IQGAP3: variants seen among roughly 807,000 people sequenced by gnomAD.
IQGAP3 encodes the protein ras GTPase-activating-like protein IQGAP3.
A neutral mutation model predicts 208.2 loss-of-function variants in IQGAP3; 165 were observed. That is an observed-to-expected ratio of 0.79 (90% CI 0.70 to 0.90). IQGAP3 has a LOEUF of 0.90. IQGAP3 is among the 40% of genes least tolerant of loss of function. The probability of loss-of-function intolerance (pLI) is 0.00; values close to 1 mark genes in which losing one functional copy is unlikely to be tolerated. For missense variants in IQGAP3, 1,811 were observed against 2,043.1 expected, an observed-to-expected ratio of 0.89 and a Z score of 2.19; for synonymous variants, 703 against 803.6, an observed-to-expected ratio of 0.87 and a Z score of 2.12.
chr1:156,534,205 C>A, intron 29 of IQGAP3, 64 bp from the exon 30 acceptor site: 1 of 1,602,576 alleles, frequency 6.2e-7, no homozygotes. Context: ...CTTCTGTCCC[C>A]ATCATTTCCC....
chr1:156,538,750 C>A, intron 26 of IQGAP3, 59 bp downstream of exon 26: 1 of 1,459,188 alleles, frequency 6.9e-7, no homozygotes, highest in Non-Finnish European at 9.6e-7. Context: ...GGGTCCAAGA[C>A]ACAGCTGATC....
chr1:156,544,535 AAG>A (rs1675142749), intron 19 of IQGAP3, 63 bp from the exon 20 acceptor site: 1 of 1,419,876 alleles, frequency 7.0e-7, no homozygotes, highest in African/African-American at 1.4e-5. Context: ...AAAGGCTTTT[AAG>A]AAAATCTTTG....
At position 156,544,573 on chromosome 1, in the gene IQGAP3, G is replaced by T. The variant is rs967671377; in HGVS notation, c.2305-101C>A. The T allele has an allele frequency of 2.6e-5, 25 of 972,678 alleles. No homozygotes were observed. The African/African-American group carries it at 3.1e-4, about 12-fold the overall frequency. 60.3% of individuals were successfully genotyped at this position (972,678 alleles called of 1,614,324 possible). On this transcript the variant is annotated intron_variant, in intron 19 of 37. Transcript: ENST00000361170. The stretch of plus-strand genomic sequence containing the variant: ...TCCTGGGCCCTCCAGGGAATGGAAG[G>T]GGGCAGTTAAATAGAGGGGGAAGGG...
intron 10 of IQGAP3, among the ~76,000 whole-genome samples, chr1:156,561,530 G>A (rs1431584793): frequency 2.0e-5 from 3 of 152,216 alleles, no homozygotes; most frequent in South Asian, 2.1e-4. Flanking sequence ...TAGACAACAC[G>A]AATGTGTCAG....
At chr1:156,561,686 G>T in intron 10 of IQGAP3, 152 bp downstream of exon 10, 1 of 749,726 alleles carries the variant, frequency 1.3e-6, no homozygotes, top group Non-Finnish European at 2.2e-6. Flanking sequence ...TGATCAATCT[G>T]GTCTACTAGG....
chr1:156,544,463 G>A lies in IQGAP3; in HGVS notation c.2314C>T (p.Arg772Trp), dbSNP rs769049445. The change falls in exon 20 of 38, where the codon CGG (arginine) becomes TGG (tryptophan). Residue 772 changes from arginine to tryptophan, a missense_variant. By Grantham distance (101) the Arg-to-Trp change is moderately radical. Transcript: ENST00000361170. Reference sequence around the variant, plus strand: ...TAAATCTTCCGCTGCCTATAACCCCGCCAATGAGCCTGCACATCAGGAGAG... The same window carrying A: ...TAAATCTTCCGCTGCCTATAACCCCACCAATGAGCCTGCACATCAGGAGAG... ...PAVIKIQAHWRGYRQRKIYLE... is the reference protein window; with the variant it reads ...PAVIKIQAHWWGYRQRKIYLE... 1.1e-5 allele frequency: 18 copies of A among 1,613,360 alleles called. 1 individual carries two copies. Among genetic ancestry groups the A allele is most frequent in the Admixed American group, 3.3e-5 (2 of 59,984 alleles).
Position 156,551,697 on chromosome 1 carries a change from A to G in IQGAP3, c.1734+8T>C, listed in dbSNP as rs770799851. On this transcript the variant is annotated splice_region_variant and intron_variant, in intron 15 of 37. Transcript: ENST00000361170. ...TCTGATGACCAACCCAACCAGCCCT[A>G]ACTTCACCTGGGCCTTCTGCCTTTT... 2 of 1,606,164 alleles carry G rather than the reference A, an allele frequency of 1.2e-6. No homozygotes were observed. The highest frequency in any genetic ancestry group is 2.2e-5 in the South Asian group (2 of 89,896).
At chr1:156,536,396 T>C (rs1674685725) in intron 27 of IQGAP3, among the ~76,000 whole-genome samples, 2 of 152,202 alleles carry the variant, frequency 1.3e-5, no homozygotes, top group Admixed American at 1.3e-4. Flanking sequence ...CTGCATAATC[T>C]CACTCATATG....
At position 156,530,078 on chromosome 1, in the gene IQGAP3, A is replaced by G. The variant is rs377534676; in HGVS notation, c.4404+27T>C. ...CACACACACACACGTACACACAGGC[A>G]CACGGAGCCCAGGCCCAGGTTGTTA... On this transcript the variant is annotated intron_variant, in intron 34 of 37. Coordinates refer to ENST00000361170, the MANE Select transcript of IQGAP3 (RefSeq NM_178229.5). 5.3e-5 allele frequency: 82 copies of G among 1,548,216 alleles called. No homozygotes were observed. The African/African-American group carries it at 9.9e-4, about 19-fold the overall frequency.
intron 35 of IQGAP3, 68 bp from the exon 36 acceptor site, chr1:156,528,678 G>A: frequency 1.5e-6 from 2 of 1,362,318 alleles, no homozygotes; most frequent in Non-Finnish European, 2.1e-6. Context: ...CTTGTTTTCT[G>A]TGGCTGGAAA....
Position 156,539,409 on chromosome 1 carries a change from G to A in IQGAP3, c.3021C>T (p.Leu1007=). 3.1e-6 allele frequency: 5 copies of A among 1,614,128 alleles called. No homozygotes were observed. Among genetic ancestry groups the A allele is most frequent in the Non-Finnish European group, 4.2e-6 (5 of 1,180,032 alleles). The part of the protein sequence containing the change: ...ASSRREAYLL[L]QLFKTALQEE... ...CCTGGAGTGCTGTCTTGAACAGCTGGAGCAGGAGATAGGCCTCTCGGCGGC... is the reference window on the plus strand; with the variant it reads ...CCTGGAGTGCTGTCTTGAACAGCTGAAGCAGGAGATAGGCCTCTCGGCGGC... The change falls in exon 25 of 38, where the codon CTC becomes CTT. Residue 1007 remains leucine, a synonymous_variant. Transcript: ENST00000361170.
chr1:156,529,225 A>C, intron 34 of IQGAP3, 143 bp from the exon 35 acceptor site: 51 of 892,668 alleles, frequency 5.7e-5, no homozygotes, highest in Non-Finnish European at 8.2e-5. Flanking sequence ...GGAAAATCTC[A>C]AGGATGGTAT....
Position 156,534,732 on chromosome 1 carries a change from A to G in IQGAP3, c.3509T>C (p.Val1170Ala), listed in dbSNP as rs1266464195. The change falls in exon 29 of 38, where the codon GTG becomes GCG. Residue 1170 changes from valine to alanine, a missense_variant and splice_region_variant. Val to Ala is a moderately conservative substitution (Grantham distance 64, BLOSUM62 0). Transcript: ENST00000361170. ...PDATDSEVYK[V>A]VGNLLYYRFL... The stretch of plus-strand genomic sequence containing the variant: ...GCGGTAGTACAGGAGGTTCCCGACC[A>G]CCTGAGGGCAAAGGAGACTCTCCCA... 1 of 1,540,984 alleles carries G rather than the reference A, an allele frequency of 6.5e-7. No homozygotes were observed. Among genetic ancestry groups the G allele is most frequent in the Admixed American group, 2.1e-5 (1 of 47,814 alleles).
At chr1:156,561,340 T>C (rs527238656) in intron 10 of IQGAP3, among the ~76,000 whole-genome samples, 1 of 152,062 alleles carries the variant, frequency 6.6e-6, no homozygotes, top group African/African-American at 2.4e-5. Flanking sequence ...CTAATTTTTG[T>C]ATTTTTAGTA....
rs1446273266 is a variant in IQGAP3 at position 156,566,386 on chromosome 1, C to T, written c.282+4G>A. Reference sequence around the variant, plus strand: ...AGGTAGAAGGTGGGGTCCAATCCTCCCACCTGGTACCGCAGCTGCTCCACA... The same window carrying T: ...AGGTAGAAGGTGGGGTCCAATCCTCTCACCTGGTACCGCAGCTGCTCCACA... On this transcript the variant is annotated splice_donor_region_variant and intron_variant, in intron 3 of 37. Coordinates refer to ENST00000361170, the MANE Select transcript of IQGAP3 (RefSeq NM_178229.5). 1 of 1,613,756 alleles carries T rather than the reference C, an allele frequency of 6.2e-7. No homozygotes were observed. Among genetic ancestry groups the T allele is most frequent in the Non-Finnish European group, 8.5e-7 (1 of 1,179,748 alleles).
At chr1:156,552,781 G>C (rs180834319) in intron 13 of IQGAP3, among the ~76,000 whole-genome samples, 81 of 152,306 alleles carry the variant, frequency 5.3e-4, no homozygotes, top group African/African-American at 1.9e-3. Context: ...ATCCCATTAA[G>C]TAGATCAGAT....
intron 32 of IQGAP3, among the ~76,000 whole-genome samples, chr1:156,532,543 T>C (rs1476141678): frequency 6.6e-6 from 1 of 151,742 alleles, no homozygotes; most frequent in African/African-American, 2.4e-5. Context: ...GAATAAACGA[T>C]AACTTATTAA....
At chr1:156,568,415 C>T (rs1242114799) in intron 2 of IQGAP3, among the ~76,000 whole-genome samples, 2 of 152,194 alleles carry the variant, frequency 1.3e-5, no homozygotes, top group African/African-American at 4.8e-5. Context: ...CAGGATTTCA[C>T]CATGTCAGCC....
At chr1:156,553,580 C>CTT (rs11316423) in intron 13 of IQGAP3, among the ~76,000 whole-genome samples, 4 of 88,018 alleles carry the variant, frequency 4.5e-5, no homozygotes, top group African/African-American at 1.1e-4. Context: ...TTCTTTCTTT[C>CTT]TTTTTTTTTT....
Sources: gnomAD v4.1 joint callset for allele counts (sites outside exome capture counted in the v4.1 genomes callset) on GRCh38, gnomAD v4.1.1 for gene constraint, MANE v1.5 for transcripts, NCBI Gene and HGNC (gene_info 2026-07-23, HGNC 2026-07-21) for gene names.